Variants in CFAP157 observed in about 807,000 individuals in gnomAD.
CFAP157 encodes the protein cilia and flagella associated protein 157.
CFAP157 carries 43 observed loss-of-function variants against 57.8 expected under a neutral mutation model. The observed-to-expected ratio is 0.74, with a 90% CI of 0.58 to 0.96. The LOEUF is 0.96. Ranked by LOEUF, CFAP157 falls within the 40% of genes least tolerant of loss-of-function variation. CFAP157 has a pLI of 0.00. For missense variants in CFAP157, 606 were observed against 655.3 expected (o/e 0.92, Z 0.82); for synonymous variants, 267 against 269.0 (o/e 0.99, Z 0.07).
Position 127,715,139 on chromosome 9 carries a change from G to T in CFAP157, c.*1234G>T, listed in dbSNP as rs1030673291. The T allele has an allele frequency of 2.0e-6, 3 of 1,537,394 alleles. No homozygotes were observed. The highest frequency in any genetic ancestry group is 2.6e-6 in the Non-Finnish European group (3 of 1,147,578). On this transcript the variant is annotated 3_prime_UTR_variant, in exon 9 of 9. Transcript: ENST00000373295. This position sits in a 1 kb window ranked among gnomAD's most constrained non-coding sequence, Gnocchi z 5.8. ...CCGCCGCGCCAGCTGCCCCAGCACC[G>T]CCATGCCCACGCTGTGTCGCGTGCC... is the stretch of plus-strand genomic sequence containing the variant.
chr9:127,713,755 C>A (rs549516068), intron 8 of CFAP157, 79 bp from the exon 9 acceptor site: 52 of 1,208,838 alleles, frequency 4.3e-5, no homozygotes, highest in Admixed American at 1.5e-4. Flanking sequence ...AATCCCCCAG[C>A]CTCGGCCTCC....
At position 127,710,709 on chromosome 9, in the gene CFAP157, A is replaced by G; in HGVS notation, c.542A>G (p.Asp181Gly). The G allele has an allele frequency of 3.2e-6, 5 of 1,573,234 alleles. No homozygotes were observed. The highest frequency in any genetic ancestry group is 4.3e-6 in the Non-Finnish European group (5 of 1,158,414). Reference sequence around the variant, plus strand: ...CGGAAGCAGGAGAATGAGTTCAGGGACTATGCATACAACCTGGAGAAGAAG... The same window carrying G: ...CGGAAGCAGGAGAATGAGTTCAGGGGCTATGCATACAACCTGGAGAAGAAG... ...QVRKQENEFRDYAYNLEKKSV... is the reference protein window; with the variant it reads ...QVRKQENEFRGYAYNLEKKSV... The change falls in exon 3 of 9, where the codon GAC becomes GGC. Residue 181 changes from aspartate (D) to glycine (G), a missense_variant. Transcript: ENST00000373295.
At position 127,710,621 on chromosome 9, in the gene CFAP157, G is replaced by A; in HGVS notation, c.454G>A (p.Glu152Lys). The A allele has an allele frequency of 6.3e-7, 1 of 1,585,578 alleles. No individual in the cohort carries two copies. Among genetic ancestry groups the A allele is most frequent in the Non-Finnish European group, 8.6e-7 (1 of 1,165,690 alleles). Residue 152 changes from glutamate (E) to lysine (K), a missense_variant, in exon 3 of 9, where the codon GAG (glutamate) becomes AAG (lysine). Transcript: ENST00000373295. ...GCCAGGGGGGAAGCTGGCAGCCCTGGAGGAGTTCCGGCTGCAGAAAGAGGA... is the reference window on the plus strand; with the variant it reads ...GCCAGGGGGGAAGCTGGCAGCCCTGAAGGAGTTCCGGCTGCAGAAAGAGGA... The part of the protein sequence containing the change: ...IILGGKLAAL[E>K]EFRLQKEEVT...
rs1262193329 is a variant in CFAP157 at position 127,710,635 on chromosome 9, G to A, written c.468G>A (p.Leu156=). ...TGGCAGCCCTGGAGGAGTTCCGGCTGCAGAAAGAGGAGGTCACGGACAAGT... is the reference window on the plus strand; with the variant it reads ...TGGCAGCCCTGGAGGAGTTCCGGCTACAGAAAGAGGAGGTCACGGACAAGT... ...GKLAALEEFR[L]QKEEVTDKFT... Residue 156 remains leucine (L), a synonymous_variant, in exon 3 of 9, where the codon CTG becomes CTA. Transcript: ENST00000373295. 9 of 1,586,522 alleles carry A rather than the reference G, an allele frequency of 5.7e-6. No individual in the cohort carries two copies. The highest frequency in any genetic ancestry group is 7.7e-6 in the Non-Finnish European group (9 of 1,166,184).
rs771007236 is a variant in CFAP157, at chr9:127,713,929, C to A, written c.*24C>A. On this transcript the variant is annotated 3_prime_UTR_variant, in exon 9 of 9. Transcript: ENST00000373295. ...AGGACACAGAGAGAAGAACCTACTC[C>A]AGAAATGGACTGGTCCAGTCACAGT... 4 of 1,604,662 alleles carry A rather than the reference C, an allele frequency of 2.5e-6. No homozygotes were observed. Among genetic ancestry groups the A allele is most frequent in the Admixed American group, 1.7e-5 (1 of 59,994 alleles).
rs551402620 is a variant in CFAP157 at position 127,712,716 on chromosome 9, G to T, written c.1145G>T (p.Arg382Leu). 54 of 1,614,150 alleles carry T rather than the reference G, an allele frequency of 3.3e-5. No homozygotes were observed. The South Asian group carries it at 5.7e-4, about 17-fold the overall frequency. ...CCCCACCCTCACCAACAGATGCACC[G>T]CGATGAAGAGGACAGTGACGTTGAC... is the stretch of plus-strand genomic sequence containing the variant. Reference protein sequence around the residue: ...SFLQNILQMHRDEEDSDVDVT... With the variant: ...SFLQNILQMHLDEEDSDVDVT... The change falls in exon 7 of 9, where the codon CGC (arginine) becomes CTC (leucine). Residue 382 changes from arginine to leucine, a missense_variant. Physicochemically the swap from Arg to Leu is moderately radical, Grantham distance 102. Coordinates refer to ENST00000373295, the MANE Select transcript of CFAP157 (RefSeq NM_001012502.3).
chr9:127,710,726 G>A lies in CFAP157; in HGVS notation c.559G>A (p.Glu187Lys). 1.9e-6 allele frequency: 3 copies of A among 1,570,102 alleles called. No individual in the cohort carries two copies. The highest frequency in any genetic ancestry group is 2.6e-6 in the Non-Finnish European group (3 of 1,156,618). ...GTTCAGGGACTATGCATACAACCTGGAGAAGAAGTCGGTGCTGGACAAGGA... is the reference window on the plus strand; with the variant it reads ...GTTCAGGGACTATGCATACAACCTGAAGAAGAAGTCGGTGCTGGACAAGGA... ...NEFRDYAYNL[E>K]KKSVLDKDRL... Residue 187 changes from glutamate (E) to lysine (K), a missense_variant, in exon 3 of 9, where the codon GAG (glutamate) becomes AAG (lysine). Coordinates refer to ENST00000373295, the MANE Select transcript of CFAP157 (RefSeq NM_001012502.3).
rs1331768274 is a variant in CFAP157 at position 127,714,278 on chromosome 9, A to G, written c.*373A>G. 3.7e-6 allele frequency: 6 copies of G among 1,613,948 alleles called. No homozygotes were observed. The highest frequency in any genetic ancestry group is 5.1e-6 in the Non-Finnish European group (6 of 1,179,904). On this transcript the variant is annotated 3_prime_UTR_variant, in exon 9 of 9. Transcript: ENST00000373295. ...CCCGATACCCACCCGCAGCCTTGGCATTGCCTGTGGGAGAGCCAGAGAGGC... is the reference window on the plus strand; with the variant it reads ...CCCGATACCCACCCGCAGCCTTGGCGTTGCCTGTGGGAGAGCCAGAGAGGC...
Position 127,715,376 on chromosome 9 carries a change from C to T in CFAP157, c.*1471C>T. The T allele has an allele frequency of 8.0e-7, 1 of 1,245,630 alleles. No homozygotes were observed. Among genetic ancestry groups the T allele is most frequent in the Non-Finnish European group, 1.1e-6 (1 of 879,514 alleles). The allele number at this position is 1,245,630 out of a possible 1,614,324, so 77.2% of individuals were successfully genotyped here. On this transcript the variant is annotated 3_prime_UTR_variant, in exon 9 of 9. Transcript: ENST00000373295. The surrounding 1 kb of genome is among the most constrained non-coding windows in gnomAD (Gnocchi z 5.8). ...ACTCCAGAAGGCTGGGCAGGCAGGG[C>T]GCCCTAGTGCAGGAACGGAGCTTCA...
chr9:127,713,815 A>C lies in CFAP157; in HGVS notation c.1492-19A>C. ...AGCCACTGCACCCGGCCTCCAAGCC[A>C]GCATCTTTAATCTTACAGATGCGTG... On this transcript the variant is annotated intron_variant, in intron 8 of 8. Coordinates refer to ENST00000373295, the MANE Select transcript of CFAP157 (RefSeq NM_001012502.3). The C allele has an allele frequency of 6.2e-7, 1 of 1,611,330 alleles. No homozygotes were observed. The highest frequency in any genetic ancestry group is 1.1e-5 in the South Asian group (1 of 91,034).
In CFAP157 at chr9:127,715,695, A is replaced by G; in HGVS notation, c.*1790A>G. 6.3e-7 allele frequency: 1 copy of G among 1,580,944 alleles called. No homozygotes were observed. The highest frequency in any genetic ancestry group is 8.6e-7 in the Non-Finnish European group (1 of 1,167,380). On this transcript the variant is annotated 3_prime_UTR_variant, in exon 9 of 9. Transcript: ENST00000373295. The surrounding 1 kb of genome is among the most constrained non-coding windows in gnomAD (Gnocchi z 5.8). ...TGACGTCATCACCCCGCAGCAGCCA[A>G]TCGTGTTGCCAACTGTTTGGCGTCC...
intron 6 of CFAP157, 148 bp from the exon 7 acceptor site, chr9:127,712,561 T>A: frequency 6.5e-7 from 1 of 1,542,100 alleles, no homozygotes; most frequent in East Asian, 2.4e-5. Context: ...TGAAAGGTCT[T>A]GGGCCTCAGT....
At position 127,714,731 on chromosome 9, in the gene CFAP157, T is replaced by C. The variant is rs571025654; in HGVS notation, c.*826T>C. The C allele has an allele frequency of 8.9e-6, 14 of 1,567,636 alleles. 1 individual carries two copies. In the South Asian group the frequency reaches 1.3e-4, roughly 14 times the overall value. On this transcript the variant is annotated 3_prime_UTR_variant, in exon 9 of 9. Transcript: ENST00000373295. ...AGCACAGGGAAACGGCAGCCCTGGT[T>C]ACTGCCCATCTGCCCAGAGAGGCAC...
chr9:127,711,637 C>T (rs1367831367), intron 4 of CFAP157, 141 bp downstream of exon 4: 9 of 1,197,708 alleles, frequency 7.5e-6, no homozygotes, highest in African/African-American at 6.1e-5. Context: ...CCTGTGGGGG[C>T]TGCAGGGTGC....
intron 1 of CFAP157, among the ~76,000 whole-genome samples, chr9:127,707,726 T>TG (rs1842678709): frequency 6.6e-6 from 1 of 152,212 alleles, no homozygotes; most frequent in African/African-American, 2.4e-5. Flanking sequence ...GACATAGTGC[T>TG]GGGGGGAGAT....
Position 127,709,329 on chromosome 9 carries a change from C to T in CFAP157, c.162-93C>T, listed in dbSNP as rs575305593. On this transcript the variant is annotated intron_variant, in intron 1 of 8. Coordinates refer to ENST00000373295, the MANE Select transcript of CFAP157 (RefSeq NM_001012502.3). This position sits in a 1 kb window ranked among gnomAD's most constrained non-coding sequence, Gnocchi z 4.7. ...ACAAGGAAACTCAAATGCCCCTTTA[C>T]GGGACAGGGAGTCCAGGAGAGTGGG... The T allele has an allele frequency of 1.3e-5, 18 of 1,346,876 alleles. 1 individual carries two copies. The highest frequency in any genetic ancestry group is 9.9e-5 in the East Asian group (4 of 40,210). The allele number at this position is 1,346,876 out of a possible 1,614,324, so 83.4% of individuals were successfully genotyped here. A position where few individuals can be genotyped will look rare whatever the true frequency, so the allele number is the denominator to read the frequency against.
In CFAP157 at chr9:127,709,494, T is replaced by C; in HGVS notation, c.234T>C (p.Asn78=). The C allele has an allele frequency of 6.2e-7, 1 of 1,613,978 alleles. No individual in the cohort carries two copies. Among genetic ancestry groups the C allele is most frequent in the Non-Finnish European group, 8.5e-7 (1 of 1,180,006 alleles). ...MFRQEFEQLA[N]NKKEIVAFLK... Reference sequence around the variant, plus strand: ...GCCAGGAGTTTGAGCAGCTGGCCAATAACAAGAAGGAGATTGTGGCCTTCC... The same window carrying C: ...GCCAGGAGTTTGAGCAGCTGGCCAACAACAAGAAGGAGATTGTGGCCTTCC... The change falls in exon 2 of 9, where the codon AAT becomes AAC. Residue 78 remains asparagine, a synonymous_variant. Coordinates refer to ENST00000373295, the MANE Select transcript of CFAP157 (RefSeq NM_001012502.3). This position sits in a 1 kb window ranked among gnomAD's most constrained non-coding sequence, Gnocchi z 4.7.
intron 2 of CFAP157, 108 bp from the exon 3 acceptor site, chr9:127,710,493 C>A: frequency 1.5e-6 from 2 of 1,354,486 alleles, no homozygotes; most frequent in Non-Finnish European, 2.0e-6. Context: ...TGAGACCACA[C>A]AGGGCGCACA....
At position 127,715,501 on chromosome 9, in the gene CFAP157, C is replaced by T. The variant is rs1486958924; in HGVS notation, c.*1596C>T. On this transcript the variant is annotated 3_prime_UTR_variant, in exon 9 of 9. Coordinates refer to ENST00000373295, the MANE Select transcript of CFAP157 (RefSeq NM_001012502.3). The surrounding 1 kb of genome is among the most constrained non-coding windows in gnomAD (Gnocchi z 5.8). ...CCGGGACATAATGGCCGAACTGAAG[C>T]TAGGGACCGGGAGCCCCTACGTCGC... 8 of 1,612,052 alleles carry T rather than the reference C, an allele frequency of 5.0e-6. No individual in the cohort carries two copies. The highest frequency in any genetic ancestry group is 1.1e-5 in the South Asian group (1 of 91,014).
Sources: gnomAD v4.1 joint callset for allele counts (sites outside exome capture counted in the v4.1 genomes callset) on GRCh38, gnomAD v4.1.1 for gene constraint, Gnocchi (gnomAD v3.1) non-coding constraint, MANE v1.5 for transcripts, NCBI Gene and HGNC (gene_info 2026-07-23, HGNC 2026-07-21) for gene names.